Variants in ADGRA3 observed in about 807,000 individuals in gnomAD.
ADGRA3 encodes G-protein coupled receptor 125.
A neutral mutation model predicts 119.8 loss-of-function variants in ADGRA3; 56 were observed. The ratio of observed to expected loss-of-function variants is 0.47; its 90% CI spans 0.38 to 0.58. ADGRA3 has a LOEUF of 0.58. Among genes scored for constraint, ADGRA3 ranks in the 20% least tolerant of loss-of-function variants. The pLI is 0.00. For missense variants in ADGRA3, 1,516 were observed against 1,649.0 expected (o/e 0.92, Z 1.40); for synonymous variants, 607 against 623.8 (o/e 0.97, Z 0.40).
At chr4:22,458,350 G>A (rs1391124413) in intron 3 of ADGRA3, among the ~76,000 whole-genome samples, 1 of 152,114 alleles carries the variant, frequency 6.6e-6, no homozygotes, top group Non-Finnish European at 1.5e-5. Context: ...GCCTGTTTAC[G>A]GTCATGCTCC....
intron 4 of ADGRA3, among the ~76,000 whole-genome samples, chr4:22,448,271 G>A (rs931152755): frequency 6.6e-6 from 1 of 152,150 alleles, no homozygotes; most frequent in Non-Finnish European, 1.5e-5. Flanking sequence ...GTAACATGCT[G>A]GAATATAAAT....
intron 1 of ADGRA3, among the ~76,000 whole-genome samples, chr4:22,488,838 T>C (rs1718528194): frequency 6.6e-6 from 1 of 151,840 alleles, no homozygotes; most frequent in Non-Finnish European, 1.5e-5. Context: ...ACTCCTACAG[T>C]ATATGCAAGT....
At chr4:22,429,767 C>T (rs1246627718) in intron 10 of ADGRA3, among the ~76,000 whole-genome samples, 1 of 152,036 alleles carries the variant, frequency 6.6e-6, no homozygotes, top group Non-Finnish European at 1.5e-5. Context: ...AAAATGAGTC[C>T]CCCTACACTG....
rs200131004 is a variant in ADGRA3, at chr4:22,461,895, AC to A, written c.330-88del. The stretch of plus-strand genomic sequence containing the variant: ...TACACTTACCTGCTATACAAAAAAA[AC>A]AAAAGTATAATAATAAGAGGAGGAA... On this transcript the variant is annotated intron_variant, in intron 2 of 18. Transcript: ENST00000334304. 1,119 of 789,508 alleles carry A rather than the reference AC, an allele frequency of 1.4e-3. 11 individuals carry two copies. In the African/African-American group the frequency reaches 0.018, roughly 13 times the overall value. 48.9% of individuals were successfully genotyped at this position (789,508 alleles called of 1,614,324 possible). A position where few individuals can be genotyped will look rare whatever the true frequency, so the allele number is the denominator to read the frequency against.
intron 5 of ADGRA3, 98 bp downstream of exon 5, chr4:22,447,342 G>T: frequency 1.4e-6 from 1 of 731,286 alleles, no homozygotes; most frequent in Non-Finnish European, 2.3e-6. Flanking sequence ...TGACAAGATT[G>T]TCCTCACAAA....
intron 1 of ADGRA3, among the ~76,000 whole-genome samples, chr4:22,490,826 T>C (rs1206123056): frequency 6.6e-6 from 1 of 152,250 alleles, no homozygotes; most frequent in Non-Finnish European, 1.5e-5. Flanking sequence ...TATTGCTGTG[T>C]AACAAGTTAC....
At chr4:22,406,654 T>G (rs949829925) in intron 14 of ADGRA3, among the ~76,000 whole-genome samples, 3 of 152,092 alleles carry the variant, frequency 2.0e-5, no homozygotes, top group African/African-American at 7.2e-5. Context: ...AATCAAAAAT[T>G]TTTTATGTTG....
intron 1 of ADGRA3, among the ~76,000 whole-genome samples, chr4:22,512,227 A>T (rs1480612905): frequency 1.3e-5 from 2 of 151,788 alleles, no homozygotes; most frequent in Admixed American, 6.6e-5. Flanking sequence ...CTCTTTCCAG[A>T]ATTGGCTCAG....
chr4:22,469,131 C>T (rs1034987417), intron 2 of ADGRA3, among the ~76,000 whole-genome samples: 2 of 152,054 alleles, frequency 1.3e-5, no homozygotes, highest in African/African-American at 4.8e-5. Flanking sequence ...TCACTTCCCT[C>T]CCTCACCTCC....
At chr4:22,433,803 C>A (rs1401089449) in intron 10 of ADGRA3, among the ~76,000 whole-genome samples, 2 of 152,154 alleles carry the variant, frequency 1.3e-5, no homozygotes, top group Non-Finnish European at 1.5e-5. Flanking sequence ...CAATGGAGCA[C>A]AATATAATCA....
intron 1 of ADGRA3, among the ~76,000 whole-genome samples, chr4:22,494,869 T>C (rs549898988): frequency 1.3e-5 from 2 of 152,072 alleles, no homozygotes; most frequent in Non-Finnish European, 2.9e-5. Context: ...CCCCCTTATA[T>C]GTGGGGCATA....
At chr4:22,452,131 A>C (rs914074276) in intron 4 of ADGRA3, among the ~76,000 whole-genome samples, 1 of 152,196 alleles carries the variant, frequency 6.6e-6, no homozygotes, top group African/African-American at 2.4e-5. Context: ...AGTTTCCTTA[A>C]TTGCCACGTT....
chr4:22,489,514 G>T (rs1016966676), intron 1 of ADGRA3, among the ~76,000 whole-genome samples: 2 of 151,994 alleles, frequency 1.3e-5, no homozygotes, highest in South Asian at 2.1e-4. Context: ...ATATAAATAT[G>T]TACATGAGCA....
chr4:22,484,733 G>A (rs1242948709), intron 1 of ADGRA3, among the ~76,000 whole-genome samples: 1 of 152,102 alleles, frequency 6.6e-6, no homozygotes, highest in East Asian at 1.9e-4. Flanking sequence ...ATTTCACTGG[G>A]TGGGAAAAAA....
At chr4:22,437,565 T>C (rs1349365177) in intron 8 of ADGRA3, among the ~76,000 whole-genome samples, 5 of 152,178 alleles carry the variant, frequency 3.3e-5, no homozygotes, top group African/African-American at 1.2e-4. Flanking sequence ...AATAAGATAT[T>C]TAAAGATGTC....
intron 7 of ADGRA3, among the ~76,000 whole-genome samples, chr4:22,442,245 T>G (rs1488925520): frequency 6.6e-6 from 1 of 152,112 alleles, no homozygotes; most frequent in Admixed American, 6.6e-5. Flanking sequence ...TTTATACTAG[T>G]AGGTGGAGAA....
intron 12 of ADGRA3, among the ~76,000 whole-genome samples, chr4:22,415,657 C>A (rs1283735213): frequency 6.6e-6 from 1 of 152,032 alleles, no homozygotes; most frequent in Non-Finnish European, 1.5e-5. Context: ...TCGTTATACA[C>A]ACAAAATGAC....
At chr4:22,504,587 C>G (rs1387963361) in intron 1 of ADGRA3, among the ~76,000 whole-genome samples, 1 of 152,128 alleles carries the variant, frequency 6.6e-6, no homozygotes, top group Non-Finnish European at 1.5e-5. Context: ...GTCGTTTTTC[C>G]TGGCTTCTAT....
intron 3 of ADGRA3, among the ~76,000 whole-genome samples, chr4:22,456,320 T>C (rs923995812): frequency 5.9e-5 from 9 of 152,146 alleles, no homozygotes; most frequent in Middle Eastern, 3.4e-3. Context: ...CCAGGGGAGA[T>C]TGGTGCGGGA....
Sources: allele counts gnomAD v4.1 joint callset (sites outside exome capture counted in the v4.1 genomes callset), GRCh38; gene constraint gnomAD v4.1.1; transcripts MANE v1.5; gene names NCBI Gene and HGNC (gene_info 2026-07-23, HGNC 2026-07-21).